The following IQSEC1 variants were observed in gnomAD, a reference collection of about 807,000 sequenced individuals.
IQSEC1 encodes IQ motif and SEC7 domain-containing protein 1.
Under a neutral mutation model 91.0 loss-of-function variants are expected in IQSEC1, and 31 were observed. The ratio of observed to expected loss-of-function variants is 0.34; its 90% CI spans 0.26 to 0.46. The LOEUF (loss-of-function observed/expected upper bound fraction) is 0.46. IQSEC1 is among the 20% of genes least tolerant of loss of function. The probability of loss-of-function intolerance (pLI) is 1.00; values close to 1 mark genes in which losing one functional copy is unlikely to be tolerated. For synonymous variants in IQSEC1, 699 were observed against 662.6 expected, an observed-to-expected ratio of 1.05 and a Z score of -0.84; for missense variants, 1,388 against 1,575.6, an observed-to-expected ratio of 0.88 and a Z score of 2.02.
intron 3 of IQSEC1, among the ~76,000 whole-genome samples, chr3:12,927,023 G>A (rs1697205393): frequency 6.6e-6 from 1 of 152,098 alleles, no homozygotes; most frequent in Admixed American, 6.5e-5. Context: ...TATGATTCGG[G>A]GGTCTCCAAA....
At chr3:13,219,912 T>C (rs936339923) in intron 1 of IQSEC1, among the ~76,000 whole-genome samples, 1 of 152,218 alleles carries the variant, frequency 6.6e-6, no homozygotes, top group African/African-American at 2.4e-5. Flanking sequence ...ACTTTGGGAC[T>C]TGAATGCATT....
At position 12,901,430 on chromosome 3, in the gene IQSEC1, A is replaced by C; in HGVS notation, c.2898T>G (p.Ser966=). ...SRPHQTMPNS[S]SLLGSLFGSK... is the part of the protein sequence containing the mutation. ...TCCCGAATAAGGAGCCCAGGAGGGA[A>C]GATGAGTTGGGCATAGTCTGGTGTG... Residue 966 remains serine, a synonymous_variant, in exon 14 of 14, where the codon TCT becomes TCG. Transcript: ENST00000613206. The C allele has an allele frequency of 6.5e-7, 1 of 1,547,760 alleles. No homozygotes were observed. The highest frequency in any genetic ancestry group is 8.7e-7 in the Non-Finnish European group (1 of 1,146,352).
chr3:13,094,970 C>T (rs1376985872), intron 2 of IQSEC1, among the ~76,000 whole-genome samples: 1 of 152,186 alleles, frequency 6.6e-6, no homozygotes, highest in Middle Eastern at 3.2e-3. Flanking sequence ...AAGCTTGTGG[C>T]TGTGGCTGCG....
intron 2 of IQSEC1, among the ~76,000 whole-genome samples, chr3:13,118,614 C>A (rs1015861515): frequency 6.6e-6 from 1 of 152,168 alleles, no homozygotes; most frequent in African/African-American, 2.4e-5. Context: ...CTGTCAAATT[C>A]AGAGACCTGA....
Position 13,211,058 on chromosome 3 carries a change from C to T in IQSEC1, c.273-46925G>A, listed in dbSNP as rs1576296554. On this transcript the variant is annotated intron_variant, in intron 1 of 15. Coordinates refer to the IQSEC1 transcript ENST00000648114. This position sits in a 1 kb window ranked among gnomAD's most constrained non-coding sequence, Gnocchi z 5.3. The stretch of plus-strand genomic sequence containing the variant: ...AGGTAGAGACCTTGTATGCTGTTCC[C>T]TGATGCATCCTCTGGCTAGCAGTGC... 6.6e-6 allele frequency among the ~76,000 whole-genome samples: 1 copy of T among 152,320 alleles called. No individual in the cohort carries two copies. The highest frequency in any genetic ancestry group is 2.4e-5 in the African/African-American group (1 of 41,552).
chr3:13,248,847 C>T (rs1695148209), intron 1 of IQSEC1, among the ~76,000 whole-genome samples: 1 of 152,200 alleles, frequency 6.6e-6, no homozygotes, highest in Admixed American at 6.5e-5. Flanking sequence ...AGTCACCTGC[C>T]AGAGGTCACA....
intron 1 of IQSEC1, among the ~76,000 whole-genome samples, chr3:12,951,962 A>G (rs1699579785): frequency 6.6e-6 from 1 of 152,152 alleles, no homozygotes; most frequent in Non-Finnish European, 1.5e-5. Flanking sequence ...GAGCCCTCAC[A>G]TGGAAAGATT....
chr3:12,914,980 C>T lies in IQSEC1; in HGVS notation c.2190+124G>A, dbSNP rs1350597907. The T allele has an allele frequency of 5.5e-6, 5 of 915,476 alleles. No individual in the cohort carries two copies. The Admixed American group carries it at 8.7e-5, about 16-fold the overall frequency. 56.7% of individuals were successfully genotyped at this position (915,476 alleles called of 1,614,324 possible). A position where few individuals can be genotyped will look rare whatever the true frequency, so the allele number is the denominator to read the frequency against. ...TACGAACATCTGATTCTCAGCACCC[C>T]AGCAATGAACTCAAGCAGCCAGCAC... On this transcript the variant is annotated intron_variant, in intron 8 of 13. Coordinates refer to ENST00000613206, the MANE Select transcript of IQSEC1 (RefSeq NM_001134382.3).
chr3:13,227,496 A>C (rs1480007372), intron 1 of IQSEC1, among the ~76,000 whole-genome samples: 1 of 151,898 alleles, frequency 6.6e-6, no homozygotes, highest in African/African-American at 2.4e-5. Flanking sequence ...AAGTGCAGTA[A>C]CATATGAGGT....
chr3:12,967,356 GA>G lies in IQSEC1; in HGVS notation c.24-25492del. 1 of 1,522,584 alleles carries G rather than the reference GA, an allele frequency of 6.6e-7. No individual in the cohort carries two copies. Among genetic ancestry groups the G allele is most frequent in the Non-Finnish European group, 8.8e-7 (1 of 1,136,528 alleles). The allele number at this position is 1,522,584 out of a possible 1,614,324, so 94.3% of individuals were successfully genotyped here. ...CGCCAGCCCACCGCTCAGCACCCGG[GA>G]AGGCCGCTCGCCCCGCGCCGCGCCC... On this transcript the variant is annotated intron_variant, in intron 1 of 13. Coordinates refer to ENST00000613206, the MANE Select transcript of IQSEC1 (RefSeq NM_001134382.3). This position sits in a 1 kb window ranked among gnomAD's most constrained non-coding sequence, Gnocchi z 5.9.
intron 2 of IQSEC1, among the ~76,000 whole-genome samples, chr3:13,133,165 C>G (rs1027130848): frequency 2.6e-5 from 4 of 152,216 alleles, no homozygotes; most frequent in African/African-American, 7.2e-5. Context: ...TCCAGGCTGT[C>G]TCGATTCTTG....
chr3:12,902,190 C>T (rs775112107), intron 13 of IQSEC1, among the ~76,000 whole-genome samples: 3 of 152,050 alleles, frequency 2.0e-5, no homozygotes, highest in Non-Finnish European at 2.9e-5. Flanking sequence ...CAGAGATGGC[C>T]GGAGGATGAG....
intron 2 of IQSEC1, among the ~76,000 whole-genome samples, chr3:13,155,078 A>G (rs1056703236): frequency 1.3e-5 from 2 of 152,234 alleles, no homozygotes; most frequent in African/African-American, 4.8e-5. Flanking sequence ...AGGAACTAGT[A>G]AGAAACAAAC....
At chr3:13,039,461 G>T (rs140577097) in intron 1 of IQSEC1, among the ~76,000 whole-genome samples, 1 of 152,230 alleles carries the variant, frequency 6.6e-6, no homozygotes, top group Non-Finnish European at 1.5e-5. Flanking sequence ...GTTTGGGATC[G>T]CCGTTTTAAA....
chr3:13,263,993 T>A (rs1450602836), intron 1 of IQSEC1, among the ~76,000 whole-genome samples: 5 of 152,230 alleles, frequency 3.3e-5, no homozygotes, highest in African/African-American at 1.2e-4. Flanking sequence ...GCTTCCAACG[T>A]GCACAAGCCA....
At chr3:13,109,075 A>T (rs1706198598) in intron 2 of IQSEC1, among the ~76,000 whole-genome samples, 1 of 152,292 alleles carries the variant, frequency 6.6e-6, no homozygotes. Flanking sequence ...CCAACCACCA[A>T]CATGGAAGGG....
chr3:13,260,179 G>A (rs1241229367), intron 1 of IQSEC1, among the ~76,000 whole-genome samples: 2 of 152,206 alleles, frequency 1.3e-5, no homozygotes, highest in Non-Finnish European at 2.9e-5. Flanking sequence ...AGGAGGAAGG[G>A]AAGAGGGTGG....
intron 1 of IQSEC1, among the ~76,000 whole-genome samples, chr3:13,174,367 C>T (rs1576282402): frequency 6.6e-6 from 1 of 152,276 alleles, no homozygotes; most frequent in African/African-American, 2.4e-5. Context: ...AGCTGGAAGC[C>T]TTCATCCCAC....
intron 1 of IQSEC1, among the ~76,000 whole-genome samples, chr3:13,189,046 G>C (rs1693978320): frequency 6.6e-6 from 1 of 152,252 alleles, no homozygotes; most frequent in Non-Finnish European, 1.5e-5. Context: ...TCTCACCTGT[G>C]TCCCAAATCT....
Sources: allele counts gnomAD v4.1 joint callset (sites outside exome capture counted in the v4.1 genomes callset), GRCh38; gene constraint gnomAD v4.1.1; non-coding constraint Gnocchi (gnomAD v3.1); transcripts MANE v1.5; gene names NCBI Gene and HGNC (gene_info 2026-07-23, HGNC 2026-07-21).